Variants in NMD3 observed in about 807,000 individuals in gnomAD.
The protein encoded by NMD3 is NMD3 ribosome export adaptor.
A neutral mutation model predicts 73.1 loss-of-function variants in NMD3; 47 were observed. That is an observed-to-expected ratio of 0.64 (90% CI 0.51 to 0.82). The LOEUF is 0.82. NMD3 is among the 40% of genes least tolerant of loss of function. The pLI is 0.00. For missense variants in NMD3, 554 were observed against 612.5 expected (o/e 0.90, Z 1.01); for synonymous variants, 210 against 194.5 (o/e 1.08, Z -0.66).
chr3:161,239,881 A>C (rs1341669328), intron 9 of NMD3, among the ~76,000 whole-genome samples: 1 of 152,192 alleles, frequency 6.6e-6, no homozygotes, highest in Admixed American at 6.5e-5. Context: ...AAGGAATGTC[A>C]GGGCCGTGTT....
chr3:161,247,115 A>G (rs1405200372), intron 12 of NMD3, 143 bp from the exon 13 acceptor site: 2 of 573,652 alleles, frequency 3.5e-6, no homozygotes, highest in Non-Finnish European at 6.3e-6. Flanking sequence ...AAGCATGTTC[A>G]TTGTGTAATA....
At position 161,250,856 on chromosome 3, in the gene NMD3, C is replaced by T. The variant is rs1198179043; in HGVS notation, c.1458C>T (p.Asp486=). 4 of 1,612,304 alleles carry T rather than the reference C, an allele frequency of 2.5e-6. 1 individual carries two copies. In the South Asian group the frequency reaches 4.4e-5, roughly 18 times the overall value. The change falls in exon 16 of 16, where the codon GAC becomes GAT. Residue 486 remains aspartate, a synonymous_variant. Transcript: ENST00000351193. ...PRISLAEMLE[D]LHISQDATGE... is the part of the protein sequence containing the mutation. ...TTAGTCTGGCTGAGATGCTTGAAGA[C>T]CTTCATATTTCCCAAGATGCCACTG...
At position 161,238,138 on chromosome 3, in the gene NMD3, A is replaced by C. The variant is rs1394556113; in HGVS notation, c.603A>C (p.Ser201=). ...ATGGTCTGGATTTTTATTATTCCTC[A>C]AAACAACATGCTCAGAAGATGGTCG... The part of the protein sequence containing the change: ...IHDGLDFYYS[S]KQHAQKMVEF... Residue 201 remains serine (S), a synonymous_variant, in exon 8 of 16, where the codon TCA becomes TCC. Coordinates refer to ENST00000351193, the MANE Select transcript of NMD3 (RefSeq NM_015938.5). 1 of 1,604,230 alleles carries C rather than the reference A, an allele frequency of 6.2e-7. No individual in the cohort carries two copies. The highest frequency in any genetic ancestry group is 8.5e-7 in the Non-Finnish European group (1 of 1,176,576).
chr3:161,227,816 T>G (rs1228311654), intron 4 of NMD3, among the ~76,000 whole-genome samples: 1 of 152,178 alleles, frequency 6.6e-6, no homozygotes, highest in Admixed American at 6.5e-5. Context: ...TAAAGTTATA[T>G]ATATTCTTTT....
At chr3:161,221,158 C>T (rs1473761073), upstream of NMD3, 1 of 152,224 alleles carries the variant, frequency 6.6e-6, no homozygotes, top group African/African-American at 2.4e-5. Flanking sequence ...GCAAATGAGC[C>T]CCTGGGACTT....
At chr3:161,236,171 T>G (rs1736750059) in intron 7 of NMD3, among the ~76,000 whole-genome samples, 1 of 152,132 alleles carries the variant, frequency 6.6e-6, no homozygotes, top group South Asian at 2.1e-4. Flanking sequence ...CATATTTTAT[T>G]TGCCCTCAGC....
At chr3:161,234,637 TTTAAA>T (rs1736673157) in intron 5 of NMD3, 85 bp from the exon 6 acceptor site, 1 of 1,154,184 alleles carries the variant, frequency 8.7e-7, no homozygotes, top group Non-Finnish European at 1.2e-6. Context: ...TGGAAAAAGT[TTTAAA>T]TTAAATATTA....
At chr3:161,250,715 ATATT>A in intron 15 of NMD3, 61 bp from the exon 16 acceptor site, 1 of 964,708 alleles carries the variant, frequency 1.0e-6, no homozygotes, top group Non-Finnish European at 1.5e-6. Flanking sequence ...ATTTTCAAAT[ATATT>A]TAATACTTTG....
At chr3:161,228,692 A>G (rs1296464557) in intron 4 of NMD3, among the ~76,000 whole-genome samples, 1 of 152,160 alleles carries the variant, frequency 6.6e-6, no homozygotes, top group African/African-American at 2.4e-5. Context: ...ATGTTTATTA[A>G]GTACCAACTC....
intron 11 of NMD3, among the ~76,000 whole-genome samples, chr3:161,244,580 CATTTACTGTATT>C (rs1384083414): frequency 6.6e-6 from 1 of 151,208 alleles, no homozygotes; most frequent in Non-Finnish European, 1.5e-5. Flanking sequence ...AGTATTGTAT[CATTTACTGTATT>C]TTCTTTTGTT....
chr3:161,222,450 A>G (rs1025860684), intron 2 of NMD3, among the ~76,000 whole-genome samples: 24 of 151,974 alleles, frequency 1.6e-4, no homozygotes, highest in African/African-American at 3.6e-4. Context: ...GGTTCAAGCA[A>G]TTCCCTGCCT....
intron 3 of NMD3, among the ~76,000 whole-genome samples, chr3:161,225,721 G>A (rs1456916113): frequency 6.6e-6 from 1 of 152,068 alleles, no homozygotes; most frequent in African/African-American, 2.4e-5. Flanking sequence ...GGATTAAGAC[G>A]CTAACTTTTT....
chr3:161,253,039 G>A (rs1308373155), downstream of NMD3: 2 of 285,010 alleles, frequency 7.0e-6, no homozygotes, highest in Non-Finnish European at 1.3e-5. Context: ...AGAGGTTGCA[G>A]TGAGTCGAGA....
At chr3:161,230,063 T>C (rs1054616001) in intron 4 of NMD3, among the ~76,000 whole-genome samples, 1 of 152,112 alleles carries the variant, frequency 6.6e-6, no homozygotes, top group Non-Finnish European at 1.5e-5. Flanking sequence ...GGGCAGTGGT[T>C]GAAGGGGAAG....
rs1164544161 is a variant in NMD3 at position 161,221,970 on chromosome 3, TTTTTTTTTTTTTTTTTTTA to T, written c.-20-23_-20-5del. On this transcript the variant is annotated splice_region_variant and splice_polypyrimidine_tract_variant and intron_variant, in intron 1 of 15. Coordinates refer to ENST00000351193, the MANE Select transcript of NMD3 (RefSeq NM_015938.5). ...ATCCCAACATTCTCTTTTTTTTTTTTTTTTTTTTTTTTTTTTTTAAAAGAACTTAAGGCATACAGAACGA... is the reference window on the plus strand; with the variant it reads ...ATCCCAACATTCTCTTTTTTTTTTTTAAAGAACTTAAGGCATACAGAACGA... 2.4e-6 allele frequency: 1 copy of T among 420,026 alleles called. No homozygotes were observed. The highest frequency in any genetic ancestry group is 3.0e-6 in the Non-Finnish European group (1 of 338,202). The allele number at this position is 420,026 out of a possible 1,614,324, so 26.0% of individuals were successfully genotyped here.
At position 161,249,479 on chromosome 3, in the gene NMD3, G is replaced by A. The variant is rs369937656; in HGVS notation, c.1229G>A (p.Arg410Gln). The A allele has an allele frequency of 4.0e-5, 64 of 1,609,766 alleles. No homozygotes were observed. Among genetic ancestry groups the A allele is most frequent in the South Asian group, 2.4e-4 (22 of 90,784 alleles). ...DVVLIKKSYD[R>Q]TKRQRRRNWK... ...GTATTAATCAAGAAGAGCTATGACC[G>A]GACCAAACGTCAGCGTCGTAGAAAC... The change falls in exon 14 of 16, where the codon CGG (arginine) becomes CAG (glutamine). Residue 410 changes from arginine to glutamine, a missense_variant. By Grantham distance (43) the Arg-to-Gln change is conservative (BLOSUM62 1). Coordinates refer to ENST00000351193, the MANE Select transcript of NMD3 (RefSeq NM_015938.5).
intron 8 of NMD3, among the ~76,000 whole-genome samples, chr3:161,238,397 G>A (rs751564852): frequency 1.6e-4 from 24 of 152,174 alleles, no homozygotes; most frequent in Admixed American, 3.3e-4. Context: ...TTCATAGCTG[G>A]AGTTTATATT....
chr3:161,231,149 CAT>C (rs1444691324), intron 4 of NMD3, among the ~76,000 whole-genome samples: 4 of 152,142 alleles, frequency 2.6e-5, no homozygotes, highest in Admixed American at 2.6e-4. Context: ...TGAGTGTGTA[CAT>C]GAGAATAATT....
At chr3:161,224,678 G>T (rs1355541628) in intron 2 of NMD3, among the ~76,000 whole-genome samples, 1 of 151,944 alleles carries the variant, frequency 6.6e-6, no homozygotes, top group Admixed American at 6.6e-5. Flanking sequence ...GTAGAGATGG[G>T]GTTTCACCAT....
Sources: gnomAD v4.1 joint callset for allele counts (sites outside exome capture counted in the v4.1 genomes callset) on GRCh38, gnomAD v4.1.1 for gene constraint, MANE v1.5 for transcripts, NCBI Gene and HGNC (gene_info 2026-07-23, HGNC 2026-07-21) for gene names.